The following ZNF385C variants were observed in gnomAD, a reference collection of about 807,000 sequenced individuals.
ZNF385C encodes the protein zinc finger protein 385C.
ZNF385C carries 28 observed loss-of-function variants against 35.4 expected under a neutral mutation model. The observed-to-expected ratio is 0.79, with a 90% CI of 0.59 to 1.08. ZNF385C has a LOEUF of 1.08. ZNF385C is among the 50% of genes least tolerant of loss of function. The probability of loss-of-function intolerance (pLI) is 0.00; values close to 1 mark genes in which losing one functional copy is unlikely to be tolerated. For synonymous variants in ZNF385C, 248 were observed against 248.2 expected (o/e 1.00, Z 0.01); for missense variants, 605 against 595.6 (o/e 1.02, Z -0.16).
At chr17:42,062,752 G>T in intron 2 of ZNF385C, 55 bp downstream of exon 2, 1 of 503,630 alleles carries the variant, frequency 2.0e-6, no homozygotes, top group South Asian at 3.0e-5. Context: ...GAGGGGCCCA[G>T]ACAGAGATAC....
Position 42,027,104 on chromosome 17 carries a change from G to A in ZNF385C, c.1305C>T (p.Thr435=), listed in dbSNP as rs1156331471. The A allele has an allele frequency of 4.3e-6, 7 of 1,613,282 alleles. No homozygotes were observed. Among genetic ancestry groups the A allele is most frequent in the Non-Finnish European group, 5.9e-6 (7 of 1,179,778 alleles). ...KSKLALQKQL[T]KTLAARFLPS... is the part of the protein sequence containing the mutation. ...GCAGGAAGCGGGCTGCCAACGTCTT[G>A]GTGAGTTGCTTCTGCAAGGCCAGTT... Residue 435 remains threonine, a synonymous_variant, in exon 9 of 9, where the codon ACC becomes ACT. Coordinates refer to ENST00000692273, the MANE Select transcript of ZNF385C (RefSeq NM_001392013.1).
At chr17:42,062,412 G>A (rs2053475845) in intron 2 of ZNF385C, 1 of 169,742 alleles carries the variant, frequency 5.9e-6, no homozygotes, top group Admixed American at 6.3e-5. Context: ...TTGGCCTTCA[G>A]AGACCACAGA....
At chr17:42,041,111 C>A in intron 2 of ZNF385C, 3 of 1,232,266 alleles carry the variant, frequency 2.4e-6, no homozygotes, top group South Asian at 8.2e-5. Flanking sequence ...TCTCTGGTCT[C>A]GTCCAACACC....
intron 1 of ZNF385C, among the ~76,000 whole-genome samples, chr17:42,067,351 C>T (rs980473796): frequency 2.0e-5 from 3 of 152,144 alleles, no homozygotes; most frequent in Non-Finnish European, 4.4e-5. Flanking sequence ...AACAAACTAA[C>T]GCGCCATAGA....
chr17:42,088,111 T>C (rs1429581915), intron 1 of ZNF385C, among the ~76,000 whole-genome samples: 1 of 152,256 alleles, frequency 6.6e-6, no homozygotes, highest in East Asian at 1.9e-4. Context: ...GCAAAGTGTT[T>C]AGCAACCAGG....
chr17:42,029,663 G>A (rs1567983316), intron 5 of ZNF385C, among the ~76,000 whole-genome samples: 1 of 151,902 alleles, frequency 6.6e-6, no homozygotes, highest in Non-Finnish European at 1.5e-5. Flanking sequence ...ACAGTGAACT[G>A]AGATCACACC....
intron 1 of ZNF385C, among the ~76,000 whole-genome samples, chr17:42,082,670 T>A (rs1424315334): frequency 6.6e-6 from 1 of 152,362 alleles, no homozygotes; most frequent in East Asian, 1.9e-4. Flanking sequence ...TGGCTGTTCA[T>A]GCCTGTAATC....
chr17:42,026,597 T>C lies in ZNF385C; in HGVS notation c.*300A>G, dbSNP rs1555654198. On this transcript the variant is annotated 3_prime_UTR_variant, in exon 9 of 9. Coordinates refer to ENST00000692273, the MANE Select transcript of ZNF385C (RefSeq NM_001392013.1). Reference sequence around the variant, plus strand: ...TCCTAGAGTCTGGCCATGTGGGTCTTGGGTGGAGGAAAGTGAGAGCACCAC... The same window carrying C: ...TCCTAGAGTCTGGCCATGTGGGTCTCGGGTGGAGGAAAGTGAGAGCACCAC... 2 of 449,412 alleles carry C rather than the reference T, an allele frequency of 4.5e-6. No individual in the cohort carries two copies. Among genetic ancestry groups the C allele is most frequent in the Admixed American group, 3.8e-5 (1 of 26,556 alleles). The allele number at this position is 449,412 out of a possible 1,614,324, so 27.8% of individuals were successfully genotyped here.
At chr17:42,040,891 A>G in intron 2 of ZNF385C, 1 of 1,232,180 alleles carries the variant, frequency 8.1e-7, no homozygotes, top group Non-Finnish European at 1.0e-6. Context: ...CTGTGGGCCC[A>G]CACTCCCCAG....
chr17:42,062,919 A>G lies in ZNF385C; in HGVS notation c.138T>C (p.Asp46=), dbSNP rs1004515562. The stretch of plus-strand genomic sequence containing the variant: ...CCGAGTTCAGCTGGATGTTGCAGAC[A>G]TCACAGAGCGTGTACGATGGCCGCT... ...ERKRPSYTLC[D]VCNIQLNSAA... Residue 46 remains aspartate, a synonymous_variant, in exon 2 of 9, where the codon GAT becomes GAC. Transcript: ENST00000692273. The G allele has an allele frequency of 1.4e-6, 1 of 694,656 alleles. No individual in the cohort carries two copies. The highest frequency in any genetic ancestry group is 1.5e-5 in the South Asian group (1 of 66,528). 43.0% of individuals were successfully genotyped at this position (694,656 alleles called of 1,614,324 possible).
At chr17:42,063,592 G>A (rs1366738851) in intron 1 of ZNF385C, among the ~76,000 whole-genome samples, 1 of 152,062 alleles carries the variant, frequency 6.6e-6, no homozygotes, top group Admixed American at 6.5e-5. Flanking sequence ...TTTCTGGAAG[G>A]GTGTCCGACA....
Position 42,026,984 on chromosome 17 carries a change from C to T in ZNF385C, c.1425G>A (p.Pro475=), listed in dbSNP as rs146259787. 38 of 1,611,012 alleles carry T rather than the reference C, an allele frequency of 2.4e-5. No homozygotes were observed. The highest frequency in any genetic ancestry group is 8.4e-5 in the Admixed American group (5 of 59,698). ...ACAGAGCTGGGCCCAGGATGGGAGCCGGGAAGAGGGTAGTGGCTGCTGTAG... is the reference window on the plus strand; with the variant it reads ...ACAGAGCTGGGCCCAGGATGGGAGCTGGGAAGAGGGTAGTGGCTGCTGTAG... ...PAPTAATTLF[P]APILGPALFR... The change falls in exon 9 of 9, where the codon CCG becomes CCA. Residue 475 remains proline (P), a synonymous_variant. Transcript: ENST00000692273.
chr17:42,057,682 C>A (rs1295969457), intron 2 of ZNF385C, among the ~76,000 whole-genome samples: 1 of 152,018 alleles, frequency 6.6e-6, no homozygotes, highest in Non-Finnish European at 1.5e-5. Flanking sequence ...CAGTGGCTCA[C>A]GCCTATAATC....
chr17:42,095,388 G>C lies in ZNF385C; in HGVS notation c.-3+3022C>G, dbSNP rs2053907684. On this transcript the variant is annotated intron_variant, in intron 1 of 8. Transcript: ENST00000692273. The surrounding 1 kb of genome is among the most constrained non-coding windows in gnomAD (Gnocchi z 4.4). ...AACTCATGGGAGAACCCACATGATA[G>C]ACACATGGGCCCTCCCGGGTGGCAG... Among the ~76,000 whole-genome samples the C allele has an allele frequency of 6.6e-6, 1 of 152,176 alleles. No individual in the cohort carries two copies. Among genetic ancestry groups the C allele is most frequent in the Admixed American group, 6.5e-5 (1 of 15,284 alleles).
Position 42,028,125 on chromosome 17 carries a change from GCCGCCC to G in ZNF385C, c.1083_1088del (p.Gly362_Gly363del). On this transcript the variant is annotated inframe_deletion, in exon 7 of 9. Transcript: ENST00000692273. ...GGAAGGCAGGGCTGGGCCCCTGCCG[GCCGCCC>G]CGGCCCCCTGTGACTCTCTTGGCTT... is the stretch of plus-strand genomic sequence containing the variant. 1 of 1,612,884 alleles carries G rather than the reference GCCGCCC, an allele frequency of 6.2e-7. No individual in the cohort carries two copies. The highest frequency in any genetic ancestry group is 8.5e-7 in the Non-Finnish European group (1 of 1,179,612).
chr17:42,072,416 G>C (rs1176742606), intron 1 of ZNF385C, among the ~76,000 whole-genome samples: 3 of 152,156 alleles, frequency 2.0e-5, no homozygotes, highest in Non-Finnish European at 4.4e-5. Flanking sequence ...CAGGCAAGAA[G>C]GGTCTCCGCC....
At position 42,038,589 on chromosome 17, in the gene ZNF385C, AC is replaced by A. The variant is rs2052922008; in HGVS notation, c.251-705del. ...GGGTAGGAACTTGGAGAGCAACTGGACTTTGAGGAAGAAAATATCAGAAAAA... is the reference window on the plus strand; with the variant it reads ...GGGTAGGAACTTGGAGAGCAACTGGATTTGAGGAAGAAAATATCAGAAAAA... On this transcript the variant is annotated intron_variant, in intron 2 of 8. Transcript: ENST00000692273. 3.3e-5 allele frequency: 5 copies of A among 152,540 alleles called. No homozygotes were observed. In the South Asian group the frequency reaches 1.0e-3, roughly 32 times the overall value. 9.4% of individuals were successfully genotyped at this position (152,540 alleles called of 1,614,324 possible).
intron 1 of ZNF385C, among the ~76,000 whole-genome samples, chr17:42,067,233 G>C (rs118039932): frequency 2.6e-5 from 4 of 152,166 alleles, no homozygotes; most frequent in African/African-American, 9.7e-5. Context: ...ACTGCGCCCA[G>C]CCTTGCTGAC....
chr17:42,027,737 C>CA lies in ZNF385C; in HGVS notation c.1165-10dup. 1 of 1,607,498 alleles carries CA rather than the reference C, an allele frequency of 6.2e-7. No homozygotes were observed. The highest frequency in any genetic ancestry group is 8.5e-7 in the Non-Finnish European group (1 of 1,177,230). ...CTCCTGCTGCTCATGTGCTAATGGA[C>CA]AGACAGACAGACTGGGAACAAGATG... On this transcript the variant is annotated splice_polypyrimidine_tract_variant and intron_variant, in intron 7 of 8. Transcript: ENST00000692273.
Sources: gnomAD v4.1 joint callset for allele counts (sites outside exome capture counted in the v4.1 genomes callset) on GRCh38, gnomAD v4.1.1 for gene constraint, Gnocchi (gnomAD v3.1) non-coding constraint, MANE v1.5 for transcripts, NCBI Gene and HGNC (gene_info 2026-07-23, HGNC 2026-07-21) for gene names.